Variants in PARVB observed in about 807,000 individuals in gnomAD.
The protein encoded by PARVB is beta-parvin.
In PARVB, 46 loss-of-function variants were observed where a neutral mutation model predicts 47.0. The observed-to-expected ratio is 0.98, with a 90% CI of 0.77 to 1.25. PARVB has a LOEUF of 1.25. PARVB is among the 50% of genes most tolerant of loss of function. The pLI is 0.00. For synonymous variants in PARVB, 196 were observed against 196.3 expected (o/e 1.00, Z 0.01); for missense variants, 473 against 471.6 (o/e 1.00, Z -0.03).
At chr22:44,154,941 G>A (rs1375158583) in intron 10 of PARVB, among the ~76,000 whole-genome samples, 1 of 137,510 alleles carries the variant, frequency 7.3e-6, no homozygotes, top group Non-Finnish European at 1.6e-5. Flanking sequence ...GTGGTGTGAT[G>A]TGTGTGTGTG....
chr22:44,166,531 C>A (rs192835214), intron 12 of PARVB, among the ~76,000 whole-genome samples: 1 of 152,226 alleles, frequency 6.6e-6, no homozygotes, highest in East Asian at 1.9e-4. Context: ...ACTCATCTGC[C>A]GCTGGACGGC....
intron 2 of PARVB, among the ~76,000 whole-genome samples, chr22:44,012,691 C>T (rs1051930954): frequency 6.6e-6 from 1 of 152,078 alleles, no homozygotes; most frequent in Non-Finnish European, 1.5e-5. Context: ...ACTTCTAACT[C>T]GCCTAAAATT....
At chr22:44,061,203 C>A (rs113715201) in intron 1 of PARVB, among the ~76,000 whole-genome samples, 1 of 152,078 alleles carries the variant, frequency 6.6e-6, no homozygotes, top group African/African-American at 2.4e-5. Flanking sequence ...CCGAGGCAGG[C>A]AGATCACCTG....
intron 2 of PARVB, among the ~76,000 whole-genome samples, chr22:44,005,425 T>C (rs1309285672): frequency 1.3e-5 from 2 of 151,934 alleles, no homozygotes; most frequent in Non-Finnish European, 2.9e-5. Context: ...TTTTTTTTTT[T>C]TCTTTTTACA....
At chr22:44,108,031 G>A (rs11704940) in intron 3 of PARVB, 37,881 of 151,858 alleles carry the variant, frequency 0.25, 4,777 homozygotes, top group East Asian at 0.4. Context: ...CCGCCACTAC[G>A]CCCAGCTAAT....
At chr22:44,040,824 A>C (rs935255356) in intron 1 of PARVB, among the ~76,000 whole-genome samples, 19 of 151,648 alleles carry the variant, frequency 1.3e-4, no homozygotes, top group Admixed American at 2.6e-4. Context: ...GACCACGGTG[A>C]AACCCCGTCT....
At chr22:44,109,434 C>T (rs2052640680) in intron 3 of PARVB, 1 of 152,178 alleles carries the variant, frequency 6.6e-6, no homozygotes, top group East Asian at 1.9e-4. Flanking sequence ...AGACATCTGC[C>T]CACAGGATTC....
chr22:44,072,225 T>C (rs866878066), intron 1 of PARVB, among the ~76,000 whole-genome samples: 18 of 152,310 alleles, frequency 1.2e-4, no homozygotes, highest in South Asian at 2.1e-4. Context: ...TTCCGGGCTA[T>C]TGGGAGGCTG....
rs1346805229 is a variant in PARVB at position 44,169,691 on chromosome 22, TTTA to T, written c.*1016_*1018del. Reference sequence around the variant, plus strand: ...GTGTGTCTGTGTCCTCACCGCCTCTTTTATTTTATTTTTTATTTTTGTTTTTAT... The same window carrying T: ...GTGTGTCTGTGTCCTCACCGCCTCTTTTTTATTTTTTATTTTTGTTTTTAT... On this transcript the variant is annotated 3_prime_UTR_variant, in exon 13 of 13. Transcript: ENST00000338758. The T allele has an allele frequency of 6.8e-6, 1 of 146,676 alleles. No homozygotes were observed. The highest frequency in any genetic ancestry group is 2.8e-5 in the African/African-American group (1 of 36,110). The allele number at this position is 146,676 out of a possible 1,614,324, so 9.1% of individuals were successfully genotyped here. A position where few individuals can be genotyped will look rare whatever the true frequency, so the allele number is the denominator to read the frequency against.
At chr22:44,168,220 G>A (rs993400156) in intron 12 of PARVB, 4 of 181,642 alleles carry the variant, frequency 2.2e-5, no homozygotes, top group African/African-American at 9.4e-5. Context: ...AGACTTCCAG[G>A]GCCCCAGAGG....
chr22:44,006,739 T>C (rs2050469503), intron 2 of PARVB, among the ~76,000 whole-genome samples: 1 of 152,212 alleles, frequency 6.6e-6, no homozygotes, highest in South Asian at 2.1e-4. Context: ...GAGCACCCTC[T>C]AGGTTTGAAC....
chr22:44,040,388 A>C (rs942588907), intron 1 of PARVB, among the ~76,000 whole-genome samples: 2 of 152,174 alleles, frequency 1.3e-5, no homozygotes, highest in Non-Finnish European at 2.9e-5. Context: ...ATGTTCTCTT[A>C]TGTGGTCAAA....
chr22:44,063,509 G>A (rs975148118), intron 1 of PARVB, among the ~76,000 whole-genome samples: 1 of 152,144 alleles, frequency 6.6e-6, no homozygotes, highest in Non-Finnish European at 1.5e-5. Context: ...TTACAGGCGT[G>A]AGCCACCGCG....
chr22:44,008,652 G>A lies in PARVB; in HGVS notation c.211+8979G>A, dbSNP rs191277588. 5.4e-3 allele frequency among the ~76,000 whole-genome samples: 826 copies of A among 152,236 alleles called. 14 individuals are homozygous for A. The highest frequency in any genetic ancestry group is 0.019 in the African/African-American group (779 of 41,524). On this transcript the variant is annotated intron_variant, in intron 2 of 13. Transcript: ENST00000406477. ...ACTCTGAGGACACGGATCCAAGAGT[G>A]CTGCCACAACCTGCCTGTCTTTCTT... is the stretch of plus-strand genomic sequence containing the variant.
intron 1 of PARVB, among the ~76,000 whole-genome samples, chr22:44,048,909 C>T (rs940070563): frequency 1.3e-5 from 2 of 152,162 alleles, no homozygotes; most frequent in Non-Finnish European, 2.9e-5. Flanking sequence ...AGGCTAGTCT[C>T]GAGCTACTGA....
chr22:44,081,650 C>T lies in PARVB; in HGVS notation c.113-12278C>T, dbSNP rs1018231743. The T allele has an allele frequency of 1.0e-5, 10 of 983,540 alleles. No homozygotes were observed. In the African/African-American group the frequency reaches 1.6e-4, roughly 15 times the overall value. The allele number at this position is 983,540 out of a possible 1,614,324, so 60.9% of individuals were successfully genotyped here. The stretch of plus-strand genomic sequence containing the variant: ...TGCGTTTCTCTAAGAGCCTGGCAGT[C>T]TCATGGGGCTCGTCTGTTGCTGGAA... On this transcript the variant is annotated intron_variant, in intron 1 of 12. Transcript: ENST00000338758.
intron 1 of PARVB, among the ~76,000 whole-genome samples, chr22:44,054,075 A>G (rs1218102109): frequency 6.6e-6 from 1 of 152,128 alleles, no homozygotes; most frequent in Non-Finnish European, 1.5e-5. Context: ...TGCAAGACCT[A>G]TCTGTGCAGC....
exon 1 of PARVB, chr22:43,999,239 C>A: frequency 2.2e-6 from 2 of 915,640 alleles, no homozygotes; most frequent in Middle Eastern, 3.4e-4. Flanking sequence ...ACGTCCTCCC[C>A]ATCTCCGGCA....
chr22:44,106,486 A>G (rs756411251), intron 3 of PARVB: 4 of 152,224 alleles, frequency 2.6e-5, no homozygotes, highest in Non-Finnish European at 5.9e-5. Flanking sequence ...ATTTTAGTGC[A>G]AAGCACAGAC....
Sources: gnomAD v4.1 joint callset for allele counts (sites outside exome capture counted in the v4.1 genomes callset) on GRCh38, gnomAD v4.1.1 for gene constraint, MANE v1.5 for transcripts, NCBI Gene and HGNC (gene_info 2026-07-23, HGNC 2026-07-21) for gene names.